GALNT10: variants seen among roughly 807,000 people sequenced by gnomAD.
GALNT10 encodes polypeptide N-acetylgalactosaminyltransferase 10, also known as GalNAc transferase 10.
A neutral mutation model predicts 75.0 loss-of-function variants in GALNT10; 41 were observed. That is an observed-to-expected ratio of 0.55 (90% confidence interval 0.43 to 0.71). The LOEUF (loss-of-function observed/expected upper bound fraction) is 0.71, where lower values mean the gene tolerates loss of function less well. Ranked by LOEUF, GALNT10 falls within the 30% of genes least tolerant of loss-of-function variation. The pLI, the probability that GALNT10 is intolerant of heterozygous loss-of-function variation, is 0.00. For synonymous variants in GALNT10, 302 were observed against 313.0 expected, an observed-to-expected ratio of 0.96 and a Z score of 0.37; for missense variants, 727 against 818.5, an observed-to-expected ratio of 0.89 and a Z score of 1.36.
At chr5:154,306,825 C>T (rs1168003481) in intron 3 of GALNT10, among the ~76,000 whole-genome samples, 4 of 151,978 alleles carry the variant, frequency 2.6e-5, no homozygotes, top group Non-Finnish European at 5.9e-5. Flanking sequence ...ACTGGTAATA[C>T]AGATAGACAG....
chr5:154,314,542 A>G (rs967503689), intron 3 of GALNT10, among the ~76,000 whole-genome samples: 1 of 152,018 alleles, frequency 6.6e-6, no homozygotes, highest in Non-Finnish European at 1.5e-5. Flanking sequence ...TTTCAGGTTA[A>G]AGCTCCGTAT....
intron 5 of GALNT10, among the ~76,000 whole-genome samples, chr5:154,379,354 C>T (rs527553009): frequency 2.0e-5 from 3 of 152,306 alleles, no homozygotes; most frequent in Admixed American, 6.5e-5. Flanking sequence ...ACCTATGGAC[C>T]GTGCCTTGCA....
intron 1 of GALNT10, among the ~76,000 whole-genome samples, chr5:154,293,614 T>TA (rs60780135): frequency 0.011 from 1,159 of 106,380 alleles, 21 homozygotes; most frequent in East Asian, 0.04. Flanking sequence ...TATATATATA[T>TA]TTTTTTTTTC....
rs1017345825 is a variant in GALNT10, at chr5:154,298,391, C to G, written c.401+312C>G. ...TCATGCAGTTTTTAACTTTCATTCT[C>G]TTCACTTTCTGTGTGATGTTTTTAT... On this transcript the variant is annotated intron_variant, in intron 3 of 11. Transcript: ENST00000297107. This position sits in a 1 kb window ranked among gnomAD's most constrained non-coding sequence, Gnocchi z 4.1. Among the ~76,000 whole-genome samples the G allele has an allele frequency of 2.0e-5, 3 of 152,188 alleles. No individual in the cohort carries two copies. Among genetic ancestry groups the G allele is most frequent in the Middle Eastern group, 3.2e-3 (1 of 316 alleles).
intron 4 of GALNT10, among the ~76,000 whole-genome samples, chr5:154,332,163 A>G (rs1754876187): frequency 6.6e-6 from 1 of 152,198 alleles, no homozygotes; most frequent in Non-Finnish European, 1.5e-5. Context: ...GGCAGCAGAA[A>G]GGGAAAAAAA....
At chr5:154,377,587 G>A (rs1755676589) in intron 5 of GALNT10, among the ~76,000 whole-genome samples, 1 of 152,134 alleles carries the variant, frequency 6.6e-6, no homozygotes, top group Non-Finnish European at 1.5e-5. Context: ...CTGGTCCAGG[G>A]ACCACACTTT....
In GALNT10 at chr5:154,412,859, T is replaced by C; in HGVS notation, c.1387-30T>C. ...CGGTGGGCACCTTAAGGCACCTCAG[T>C]GGTCCACTTCTTCCCTCTTTCCCTT... On this transcript the variant is annotated intron_variant, in intron 9 of 11. Coordinates refer to ENST00000297107, the MANE Select transcript of GALNT10 (RefSeq NM_198321.4). The surrounding 1 kb of genome is among the most constrained non-coding windows in gnomAD (Gnocchi z 4.2). 1 of 1,495,314 alleles carries C rather than the reference T, an allele frequency of 6.7e-7. No homozygotes were observed. The highest frequency in any genetic ancestry group is 2.3e-5 in the East Asian group (1 of 44,296). 92.6% of individuals were successfully genotyped at this position (1,495,314 alleles called of 1,614,324 possible).
At chr5:154,268,647 A>G (rs984573013) in intron 1 of GALNT10, among the ~76,000 whole-genome samples, 1 of 152,218 alleles carries the variant, frequency 6.6e-6, no homozygotes, top group Admixed American at 6.5e-5. Flanking sequence ...GTAACTTTGG[A>G]CTTGCATTCT....
chr5:154,404,099 T>C lies in GALNT10; in HGVS notation c.1057-5T>C, dbSNP rs376051776. 1 of 1,608,146 alleles carries C rather than the reference T, an allele frequency of 6.2e-7. No individual in the cohort carries two copies. Among genetic ancestry groups the C allele is most frequent in the Non-Finnish European group, 8.5e-7 (1 of 1,174,498 alleles). On this transcript the variant is annotated splice_region_variant and splice_polypyrimidine_tract_variant and intron_variant, in intron 7 of 11. Transcript: ENST00000297107. ...TCATCCTCTCTCTTCCTTCTTGCCA[T>C]GCAGGTGTGGATGTGTGGGGGCCGC...
chr5:154,320,125 C>T (rs930555326), intron 3 of GALNT10, among the ~76,000 whole-genome samples: 4 of 151,966 alleles, frequency 2.6e-5, no homozygotes, highest in East Asian at 1.9e-4. Flanking sequence ...TGGCAAAAGT[C>T]GAATTTAAGT....
intron 8 of GALNT10, among the ~76,000 whole-genome samples, chr5:154,405,491 G>T (rs1409163631): frequency 1.3e-5 from 2 of 152,104 alleles, no homozygotes; most frequent in African/African-American, 4.8e-5. Flanking sequence ...CTTGAAGCAG[G>T]AATCGCGTTC....
intron 4 of GALNT10, chr5:154,338,013 T>A (rs2113127317): frequency 6.5e-7 from 1 of 1,544,456 alleles, no homozygotes; most frequent in East Asian, 2.2e-5. Context: ...ACTGCCTCGA[T>A]CAGTCATGAT....
intron 1 of GALNT10, among the ~76,000 whole-genome samples, chr5:154,270,171 A>C (rs189254852): frequency 6.6e-6 from 1 of 151,654 alleles, no homozygotes; most frequent in Non-Finnish European, 1.5e-5. Flanking sequence ...GAGCTTCTAC[A>C]AACTCTACTG....
chr5:154,192,281 T>G (rs1774869862), intron 1 of GALNT10, among the ~76,000 whole-genome samples: 1 of 152,244 alleles, frequency 6.6e-6, no homozygotes, highest in Non-Finnish European at 1.5e-5. Flanking sequence ...ACTCTGTTAA[T>G]TGCTGCAAAG....
intron 4 of GALNT10, among the ~76,000 whole-genome samples, chr5:154,372,025 G>A (rs1419009299): frequency 5.3e-5 from 8 of 152,166 alleles, no homozygotes; most frequent in Admixed American, 5.2e-4. Context: ...ATGGGTCTAT[G>A]GAAGGTTCAT....
chr5:154,283,655 A>G (rs1401969494), intron 1 of GALNT10, among the ~76,000 whole-genome samples: 3 of 152,166 alleles, frequency 2.0e-5, no homozygotes, highest in African/African-American at 7.2e-5. Context: ...TTGTCCAGGC[A>G]GAGACTTTCC....
chr5:154,304,540 C>T (rs1399919052), intron 3 of GALNT10, among the ~76,000 whole-genome samples: 2 of 151,964 alleles, frequency 1.3e-5, no homozygotes, highest in Non-Finnish European at 2.9e-5. Context: ...AAAACTCTGT[C>T]AACTTAGAAT....
At chr5:154,337,626 T>C (rs1286478908) in intron 4 of GALNT10, 11 of 905,430 alleles carry the variant, frequency 1.2e-5, no homozygotes, top group Non-Finnish European at 1.8e-5. Context: ...TGAAGACTGA[T>C]AGTTGTAATT....
intron 1 of GALNT10, among the ~76,000 whole-genome samples, chr5:154,206,848 T>TG (rs1775118535): frequency 6.6e-6 from 1 of 152,192 alleles, no homozygotes; most frequent in Non-Finnish European, 1.5e-5. Flanking sequence ...GAGCAGAGGA[T>TG]GACTTGATCA....
Sources: gnomAD v4.1 joint callset for allele counts (sites outside exome capture counted in the v4.1 genomes callset) on GRCh38, gnomAD v4.1.1 for gene constraint, Gnocchi (gnomAD v3.1) non-coding constraint, MANE v1.5 for transcripts, NCBI Gene and HGNC (gene_info 2026-07-23, HGNC 2026-07-21) for gene names.